The following CFAP20DC variants were observed in gnomAD, a reference collection of about 807,000 sequenced individuals.
The protein encoded by CFAP20DC is CFAP20 domain containing.
In CFAP20DC, 84 loss-of-function variants were observed where a neutral mutation model predicts 101.7. The ratio of observed to expected loss-of-function variants is 0.83; its 90% CI spans 0.69 to 0.99. The LOEUF (loss-of-function observed/expected upper bound fraction) is 0.99. Among genes scored for constraint, CFAP20DC ranks in the 50% least tolerant of loss-of-function variants. CFAP20DC has a pLI of 0.00. For synonymous variants in CFAP20DC, 359 were observed against 351.2 expected (o/e 1.02, Z -0.25); for missense variants, 1,007 against 970.3 (o/e 1.04, Z -0.50).
chr3:58,786,202 A>T (rs541227466), intron 15 of CFAP20DC, among the ~76,000 whole-genome samples: 1 of 152,264 alleles, frequency 6.6e-6, no homozygotes, highest in East Asian at 1.9e-4. Context: ...AGGTTGTAGA[A>T]AATTATATTT....
At chr3:58,842,358 G>T (rs553101729) in intron 13 of CFAP20DC, among the ~76,000 whole-genome samples, 2 of 152,190 alleles carry the variant, frequency 1.3e-5, no homozygotes, top group South Asian at 2.1e-4. Flanking sequence ...CCTGGGAAGC[G>T]CAAGGGGTCA....
At chr3:58,808,033 G>A (rs2074257557) in intron 14 of CFAP20DC, among the ~76,000 whole-genome samples, 1 of 152,102 alleles carries the variant, frequency 6.6e-6, no homozygotes, top group African/African-American at 2.4e-5. Flanking sequence ...AAAAAGAAAT[G>A]AACAAAGCCT....
At chr3:58,758,638 T>G (rs987610559) in intron 15 of CFAP20DC, among the ~76,000 whole-genome samples, 3 of 152,154 alleles carry the variant, frequency 2.0e-5, no homozygotes, top group African/African-American at 7.2e-5. Context: ...GCTGCACCCA[T>G]TAACTCGTCA....
chr3:58,924,403 G>T (rs1369712666), intron 5 of CFAP20DC, among the ~76,000 whole-genome samples: 1 of 151,754 alleles, frequency 6.6e-6, no homozygotes, highest in African/African-American at 2.4e-5. Context: ...CAAAATATAT[G>T]ATTTCATTCT....
At chr3:58,798,786 A>C (rs2073445542) in intron 15 of CFAP20DC, among the ~76,000 whole-genome samples, 1 of 152,234 alleles carries the variant, frequency 6.6e-6, no homozygotes, top group African/African-American at 2.4e-5. Flanking sequence ...CTGATCATTC[A>C]GCAGCCATCA....
intron 5 of CFAP20DC, among the ~76,000 whole-genome samples, chr3:58,926,969 T>C (rs370604073): frequency 3.2e-4 from 48 of 152,348 alleles, no homozygotes; most frequent in African/African-American, 1.1e-3. Flanking sequence ...GAGACATTGA[T>C]GTTCATCTGA....
chr3:58,918,199 C>T (rs1415249636), intron 5 of CFAP20DC, among the ~76,000 whole-genome samples: 1 of 152,084 alleles, frequency 6.6e-6, no homozygotes, highest in Non-Finnish European at 1.5e-5. Context: ...CTTATGGGGT[C>T]CATTTGTGCT....
chr3:58,751,683 A>G (rs1392131304), intron 16 of CFAP20DC, among the ~76,000 whole-genome samples: 3 of 152,154 alleles, frequency 2.0e-5, no homozygotes, highest in African/African-American at 7.2e-5. Flanking sequence ...TTAGTAGGTA[A>G]TCTACTTACC....
intron 4 of CFAP20DC, among the ~76,000 whole-genome samples, chr3:59,009,038 A>T (rs1195394797): frequency 1.3e-5 from 2 of 152,168 alleles, no homozygotes; most frequent in Non-Finnish European, 2.9e-5. Flanking sequence ...AAGCCAGTAC[A>T]CAAAGACTTT....
rs928044541 is a variant in CFAP20DC at position 58,869,812 on chromosome 3, A to G, written c.853-322T>C. Among the ~76,000 whole-genome samples, 1 of 152,250 alleles carries G rather than the reference A, an allele frequency of 6.6e-6. No individual in the cohort carries two copies. Among genetic ancestry groups the G allele is most frequent in the East Asian group, 1.9e-4 (1 of 5,200 alleles). ...GAAATTCGGAGGAAATTAAAAATAAAAAACCTAACATTTGAGAATCTGTTC... is the reference window on the plus strand; with the variant it reads ...GAAATTCGGAGGAAATTAAAAATAAGAAACCTAACATTTGAGAATCTGTTC... On this transcript the variant is annotated intron_variant, in intron 8 of 16. Transcript: ENST00000482387. This position sits in a 1 kb window ranked among gnomAD's most constrained non-coding sequence, Gnocchi z 4.3.
intron 15 of CFAP20DC, among the ~76,000 whole-genome samples, chr3:58,797,651 T>C (rs549959650): frequency 2.6e-5 from 4 of 152,340 alleles, no homozygotes; most frequent in African/African-American, 7.2e-5. Context: ...GTTTTCAATG[T>C]AGACAAAACA....
intron 4 of CFAP20DC, among the ~76,000 whole-genome samples, chr3:58,948,827 T>C (rs2107987725): frequency 6.6e-6 from 1 of 152,344 alleles, no homozygotes; most frequent in African/African-American, 2.4e-5. Context: ...GAGGATTCCC[T>C]CTTTTTCTAT....
intron 6 of CFAP20DC, among the ~76,000 whole-genome samples, chr3:58,891,422 GGGGAGAGGGAGAGGGAGAGGGAGA>G (rs200945396): frequency 1.4e-4 from 18 of 132,494 alleles, no homozygotes; most frequent in Admixed American, 1.1e-3. Context: ...GGGAGACCGT[GGGGAGAGGGAGAGGGAGAGGGAGA>G]GGGAGAGGGA....
intron 15 of CFAP20DC, among the ~76,000 whole-genome samples, chr3:58,759,135 C>G (rs1460833036): frequency 1.3e-5 from 2 of 152,102 alleles, no homozygotes; most frequent in African/African-American, 2.4e-5. Flanking sequence ...AATGGTTGAA[C>G]TAGTTTACAG....
At chr3:58,852,275 G>A (rs998288836) in intron 12 of CFAP20DC, among the ~76,000 whole-genome samples, 23 of 152,020 alleles carry the variant, frequency 1.5e-4, no homozygotes, top group Admixed American at 1.2e-3. Context: ...GCAGGTGATA[G>A]TTAGAAGAGC....
intron 15 of CFAP20DC, among the ~76,000 whole-genome samples, chr3:58,765,759 G>A (rs1208524127): frequency 6.6e-6 from 1 of 152,100 alleles, no homozygotes; most frequent in Non-Finnish European, 1.5e-5. Flanking sequence ...TTGCAGCAAT[G>A]TCTATCCATA....
chr3:58,777,430 T>C (rs2071434506), intron 15 of CFAP20DC, among the ~76,000 whole-genome samples: 1 of 152,296 alleles, frequency 6.6e-6, no homozygotes, highest in East Asian at 1.9e-4. Context: ...TTTGGCAAAA[T>C]AAACTTCCTA....
intron 12 of CFAP20DC, among the ~76,000 whole-genome samples, chr3:58,855,489 A>G (rs938360333): frequency 1.3e-5 from 2 of 152,200 alleles, no homozygotes; most frequent in Non-Finnish European, 2.9e-5. Flanking sequence ...ATTACTGGGT[A>G]TATACCCAAA....
At chr3:58,931,873 T>A (rs977294238) in intron 5 of CFAP20DC, among the ~76,000 whole-genome samples, 5 of 152,132 alleles carry the variant, frequency 3.3e-5, no homozygotes, top group Admixed American at 6.5e-5. Context: ...GCACCTCTCC[T>A]CCTCCAAAGG....
Sources: allele counts gnomAD v4.1 joint callset (sites outside exome capture counted in the v4.1 genomes callset), GRCh38; gene constraint gnomAD v4.1.1; non-coding constraint Gnocchi (gnomAD v3.1); transcripts MANE v1.5; gene names NCBI Gene and HGNC (gene_info 2026-07-23, HGNC 2026-07-21).